The following KLF15 variants were observed in gnomAD, a reference collection of about 807,000 sequenced individuals.
The protein encoded by KLF15 is Krueppel-like factor 15.
A neutral mutation model predicts 24.6 loss-of-function variants in KLF15; 4 were observed. That is an observed-to-expected ratio of 0.16 (90% CI 0.08 to 0.37). KLF15 has a LOEUF of 0.37. Ranked by LOEUF, KLF15 falls within the 10% of genes least tolerant of loss-of-function variation. The probability of loss-of-function intolerance (pLI) is 1.00; values close to 1 mark genes in which losing one functional copy is unlikely to be tolerated. For synonymous variants in KLF15, 246 were observed against 236.3 expected, an observed-to-expected ratio of 1.04 and a Z score of -0.37; for missense variants, 496 against 560.6, an observed-to-expected ratio of 0.88 and a Z score of 1.16.
chr3:126,345,040 C>A (rs1255424588), intron 2 of KLF15, among the ~76,000 whole-genome samples: 1 of 152,156 alleles, frequency 6.6e-6, no homozygotes. Context: ...CTGCATTGAC[C>A]TTTCCTTGGT....
At chr3:126,309,413 G>A in the KLF15 span, among the ~76,000 whole-genome samples, 1 of 152,246 alleles carries the variant, frequency 6.6e-6, no homozygotes, top group Non-Finnish European at 1.5e-5. Flanking sequence ...CTGCTGCGGT[G>A]AGAGTCACAG....
intron 2 of KLF15, among the ~76,000 whole-genome samples, chr3:126,345,956 TGGTCCA>T (rs1302886662): frequency 6.6e-6 from 1 of 152,188 alleles, no homozygotes; most frequent in Non-Finnish European, 1.5e-5. Flanking sequence ...GCTGAGGGCC[TGGTCCA>T]GGTCACTGAC....
rs1303900882 is a variant in KLF15 at position 126,343,678 on chromosome 3, G to A, written c.*49C>T. 5 of 1,547,782 alleles carry A rather than the reference G, an allele frequency of 3.2e-6. No homozygotes were observed. ...ATAAATTATTGCTTAAAAAAATGGG[G>A]ATGGGGTGGGGATCCGGGGTGACGG... On this transcript the variant is annotated 3_prime_UTR_variant, in exon 3 of 3. Coordinates refer to ENST00000296233, the MANE Select transcript of KLF15 (RefSeq NM_014079.4).
the KLF15 span, among the ~76,000 whole-genome samples, chr3:126,309,675 A>T: frequency 1.3e-5 from 2 of 152,240 alleles, no homozygotes; most frequent in East Asian, 3.8e-4. Context: ...TTCCCCAAAT[A>T]AAAGGAGATG....
At chr3:126,314,027 A>G in the KLF15 span, among the ~76,000 whole-genome samples, 1 of 152,320 alleles carries the variant, frequency 6.6e-6, no homozygotes, top group African/African-American at 2.4e-5. Context: ...ATGAGGTGAG[A>G]CAGAAACTGC....
At chr3:126,323,444 ATGT>A in the KLF15 span, among the ~76,000 whole-genome samples, 155 of 57,998 alleles carry the variant, frequency 2.7e-3, 5 homozygotes, top group African/African-American at 9.3e-3. Context: ...TAACATATAT[ATGT>A]TATATATATA....
In KLF15 at chr3:126,352,690, T is replaced by C; in HGVS notation, c.233A>G (p.Asp78Gly). The C allele has an allele frequency of 6.3e-7, 1 of 1,592,930 alleles. No individual in the cohort carries two copies. Among genetic ancestry groups the C allele is most frequent in the Non-Finnish European group, 8.5e-7 (1 of 1,170,160 alleles). Residue 78 changes from aspartate to glycine, a missense_variant, in exon 2 of 3, where the codon GAC (aspartate) becomes GGC (glycine). Physicochemically the swap from Asp to Gly is moderately conservative, Grantham distance 94. Transcript: ENST00000296233. Reference protein sequence around the residue: ...LGTESQDSILDFLLSQATLGS... With the variant: ...LGTESQDSILGFLLSQATLGS... ...CAGCGTGGCCTGGGACAATAGGAAGTCCAAGATGCTGTCCTGGCTCTCGGT... is the reference window on the plus strand; with the variant it reads ...CAGCGTGGCCTGGGACAATAGGAAGCCCAAGATGCTGTCCTGGCTCTCGGT...
chr3:126,344,893 C>A (rs2082519849), intron 2 of KLF15, among the ~76,000 whole-genome samples: 1 of 152,196 alleles, frequency 6.6e-6, no homozygotes, highest in African/African-American at 2.4e-5. Flanking sequence ...CAGTCAAGAG[C>A]CCAAGCTGCA....
chr3:126,343,096 C>T lies in KLF15; in HGVS notation c.*631G>A, dbSNP rs1487150128. The T allele has an allele frequency of 6.9e-6, 1 of 144,686 alleles. No homozygotes were observed. Among genetic ancestry groups the T allele is most frequent in the Non-Finnish European group, 1.5e-5 (1 of 65,634 alleles). 9.0% of individuals were successfully genotyped at this position (144,686 alleles called of 1,614,324 possible). On this transcript the variant is annotated 3_prime_UTR_variant, in exon 3 of 3. Transcript: ENST00000296233. ...CTCAAGCACATGCACTGCCAGCCCC[C>T]TAGTGGGGGACGCTTTTCACCTCTC...
chr3:126,348,515 G>C (rs1429136446), intron 2 of KLF15, among the ~76,000 whole-genome samples: 5 of 152,148 alleles, frequency 3.3e-5, no homozygotes, highest in Non-Finnish European at 5.9e-5. Flanking sequence ...CCAGATCCTT[G>C]CTCACTAGCT....
chr3:126,288,416 A>C, the KLF15 span: 1 of 152,256 alleles, frequency 6.6e-6, no homozygotes, highest in South Asian at 2.1e-4. Context: ...TCTTCAAAAA[A>C]ACCAGATCAA....
chr3:126,290,170 G>A, the KLF15 span, among the ~76,000 whole-genome samples: 2 of 152,092 alleles, frequency 1.3e-5, no homozygotes, highest in South Asian at 2.1e-4. Flanking sequence ...AGGGAGTAGG[G>A]GTCCCAAGTT....
At chr3:126,353,747 A>G (rs2082607374) in intron 1 of KLF15, among the ~76,000 whole-genome samples, 1 of 152,172 alleles carries the variant, frequency 6.6e-6, no homozygotes, top group African/African-American at 2.4e-5. Flanking sequence ...CTGCCCTGTG[A>G]GTGGCACAGG....
chr3:126,330,987 G>C, the KLF15 span, among the ~76,000 whole-genome samples: 1 of 152,196 alleles, frequency 6.6e-6, no homozygotes, highest in East Asian at 1.9e-4. Context: ...TGGGTACCCA[G>C]GCAGCAGAAG....
At chr3:126,314,608 C>T in the KLF15 span, among the ~76,000 whole-genome samples, 3 of 152,140 alleles carry the variant, frequency 2.0e-5, no homozygotes, top group Admixed American at 2.0e-4. Context: ...GAGGACTACA[C>T]TTCCCACAGT....
the KLF15 span, among the ~76,000 whole-genome samples, chr3:126,304,514 T>C: frequency 6.6e-6 from 1 of 152,322 alleles, no homozygotes; most frequent in East Asian, 1.9e-4. Context: ...GCTGATTACT[T>C]GAGGGAAACT....
At chr3:126,320,331 C>A in the KLF15 span, among the ~76,000 whole-genome samples, 1 of 152,360 alleles carries the variant, frequency 6.6e-6, no homozygotes, top group East Asian at 1.9e-4. Context: ...TCTTTTAACA[C>A]AACATGCCAG....
chr3:126,295,496 C>G, the KLF15 span, among the ~76,000 whole-genome samples: 1 of 152,160 alleles, frequency 6.6e-6, no homozygotes, highest in Non-Finnish European at 1.5e-5. Flanking sequence ...ACTCAGGATA[C>G]AAAGTATGGC....
At chr3:126,308,019 G>A in the KLF15 span, among the ~76,000 whole-genome samples, 35 of 152,314 alleles carry the variant, frequency 2.3e-4, no homozygotes, top group South Asian at 2.9e-3. Context: ...GAGAGCCAGC[G>A]TCCCAGCTAC....
Sources: allele counts gnomAD v4.1 joint callset (sites outside exome capture counted in the v4.1 genomes callset), GRCh38; gene constraint gnomAD v4.1.1; transcripts MANE v1.5; gene names NCBI Gene and HGNC (gene_info 2026-07-23, HGNC 2026-07-21).